CCDC171: variants seen among roughly 807,000 people sequenced by gnomAD.
CCDC171 encodes coiled-coil domain containing 171.
A neutral mutation model predicts 168.2 loss-of-function variants in CCDC171; 177 were observed. The ratio of observed to expected loss-of-function variants is 1.05; its 90% confidence interval spans 0.93 to 1.19. The LOEUF is 1.19. Ranked by LOEUF, CCDC171 falls within the 50% of genes most tolerant of loss-of-function variation. The pLI, the probability that CCDC171 is intolerant of heterozygous loss-of-function variation, is 0.00. For missense variants in CCDC171, 1,991 were observed against 1,539.0 expected, an observed-to-expected ratio of 1.29 and a Z score of -4.91; for synonymous variants, 687 against 540.8, an observed-to-expected ratio of 1.27 and a Z score of -3.75.
In CCDC171 at chr9:15,777,790, C is replaced by T. The variant is rs975909864; in HGVS notation, c.2862C>T (p.Ala954=). The T allele has an allele frequency of 1.2e-6, 2 of 1,612,158 alleles. No homozygotes were observed. The highest frequency in any genetic ancestry group is 1.7e-5 in the Admixed American group (1 of 59,506). The part of the protein sequence containing the change: ...AHGLHKVNTL[A]LKYGLRGHVP... ...GACTTCATAAAGTAAACACACTGGC[C>T]CTGAAATATGGTTTGCGTGGCCATG... Residue 954 remains alanine (A), a synonymous_variant, in exon 19 of 26, where the codon GCC becomes GCT. Coordinates refer to ENST00000380701, the MANE Select transcript of CCDC171 (RefSeq NM_173550.4).
At chr9:15,798,795 G>T (rs1282749532) in intron 21 of CCDC171, among the ~76,000 whole-genome samples, 3 of 152,040 alleles carry the variant, frequency 2.0e-5, no homozygotes, top group Non-Finnish European at 2.9e-5. Context: ...GTTTTTACAG[G>T]TATTGAATAT....
intron 25 of CCDC171, among the ~76,000 whole-genome samples, chr9:15,959,252 G>A (rs1830120302): frequency 6.6e-6 from 1 of 152,042 alleles, no homozygotes; most frequent in Non-Finnish European, 1.5e-5. Context: ...CTTACGATGT[G>A]GCCTTTCCAT....
At chr9:15,899,488 C>T (rs1424684202) in intron 24 of CCDC171, among the ~76,000 whole-genome samples, 6 of 152,142 alleles carry the variant, frequency 3.9e-5, no homozygotes, top group African/African-American at 7.2e-5. Flanking sequence ...TGCTTCCTCG[C>T]CAGCACTTGG....
chr9:15,828,362 A>G (rs1245852526), intron 21 of CCDC171, among the ~76,000 whole-genome samples: 2 of 151,562 alleles, frequency 1.3e-5, no homozygotes, highest in East Asian at 3.8e-4. Flanking sequence ...TAGAAAAGTG[A>G]TACGTGAAGA....
chr9:15,701,921 G>T (rs2051781212), intron 11 of CCDC171, among the ~76,000 whole-genome samples: 1 of 152,142 alleles, frequency 6.6e-6, no homozygotes, highest in African/African-American at 2.4e-5. Flanking sequence ...AATATAATTT[G>T]CCCAGATCCA....
chr9:16,065,995 A>G (rs1295284779), downstream of CCDC171, among the ~76,000 whole-genome samples: 1 of 152,128 alleles, frequency 6.6e-6, no homozygotes, highest in African/African-American at 2.4e-5. Context: ...AGAAAGAGAT[A>G]ATAAGTCTAG....
At chr9:15,643,574 C>T (rs1244187663) in intron 7 of CCDC171, among the ~76,000 whole-genome samples, 1 of 152,130 alleles carries the variant, frequency 6.6e-6, no homozygotes, top group African/African-American at 2.4e-5. Context: ...AGATATACTT[C>T]ACATATCATA....
At chr9:15,927,162 C>T (rs1187925871) in intron 25 of CCDC171, among the ~76,000 whole-genome samples, 1 of 151,576 alleles carries the variant, frequency 6.6e-6, no homozygotes, top group Non-Finnish European at 1.5e-5. Flanking sequence ...TTTAGCAACA[C>T]ACAATAATAA....
chr9:15,688,232 A>G (rs1055090544), intron 10 of CCDC171, among the ~76,000 whole-genome samples: 4 of 152,152 alleles, frequency 2.6e-5, no homozygotes, highest in Non-Finnish European at 2.9e-5. Context: ...AGTAATCAAA[A>G]AAACTCCCAC....
At chr9:15,568,072 T>A (rs9407624) in intron 2 of CCDC171, among the ~76,000 whole-genome samples, 80,809 of 150,670 alleles carry the variant, frequency 0.54, 22,059 homozygotes, top group East Asian at 0.74. Context: ...TGATTTTTGT[T>A]TATTGATCTT....
At chr9:16,067,855 G>C in the CCDC171 span, among the ~76,000 whole-genome samples, 1 of 152,112 alleles carries the variant, frequency 6.6e-6, no homozygotes, top group Non-Finnish European at 1.5e-5. Context: ...GTGCTGTTTT[G>C]GTTACTGTAG....
intron 11 of CCDC171, among the ~76,000 whole-genome samples, chr9:15,714,557 G>T (rs1386355637): frequency 6.7e-6 from 1 of 149,214 alleles, no homozygotes; most frequent in African/African-American, 2.5e-5. Flanking sequence ...TTCAGATCCA[G>T]TGTCCAGTTA....
chr9:15,845,697 T>C (rs902775873), intron 21 of CCDC171: 4 of 152,084 alleles, frequency 2.6e-5, no homozygotes, highest in African/African-American at 9.7e-5. Context: ...AAGAAAACAT[T>C]ATGTGTATGC....
Position 15,568,394 on chromosome 9 carries a change from C to T in CCDC171, c.42-3230C>T, listed in dbSNP as rs189782917. Among the ~76,000 whole-genome samples the T allele has an allele frequency of 7.4e-4, 112 of 152,000 alleles. No individual in the cohort carries two copies. The East Asian group carries it at 0.02, about 27-fold the overall frequency. Reference sequence around the variant, plus strand: ...TAGGCCATTCTCCTGCCTCAGCCTCCGGAGTAGCTGGGACTACAGGTGCCC... The same window carrying T: ...TAGGCCATTCTCCTGCCTCAGCCTCTGGAGTAGCTGGGACTACAGGTGCCC... On this transcript the variant is annotated intron_variant, in intron 2 of 25. Coordinates refer to ENST00000380701, the MANE Select transcript of CCDC171 (RefSeq NM_173550.4).
intron 24 of CCDC171, among the ~76,000 whole-genome samples, chr9:15,904,919 CAAAG>C (rs1381881683): frequency 1.3e-5 from 2 of 151,266 alleles, no homozygotes; most frequent in South Asian, 2.1e-4. Context: ...TCAAAAGAGA[CAAAG>C]AAGGCCATTA....
At chr9:15,999,523 C>G (rs1329466096) in intron 3 of CCDC171, among the ~76,000 whole-genome samples, 2 of 152,162 alleles carry the variant, frequency 1.3e-5, no homozygotes, top group Non-Finnish European at 2.9e-5. Context: ...TCGGACCTCT[C>G]TATCCATCGA....
chr9:15,924,082 C>T (rs1214079021), intron 25 of CCDC171, among the ~76,000 whole-genome samples: 2 of 151,324 alleles, frequency 1.3e-5, no homozygotes, highest in African/African-American at 4.8e-5. Flanking sequence ...CTTTTAAAAA[C>T]ATATATTTAA....
At chr9:15,918,174 A>AT (rs968367492) in intron 24 of CCDC171, among the ~76,000 whole-genome samples, 1 of 151,630 alleles carries the variant, frequency 6.6e-6, no homozygotes. Flanking sequence ...GAAAAACTAG[A>AT]TTAAAAAAAG....
At chr9:16,027,633 C>A (rs758323796) in intron 6 of CCDC171, among the ~76,000 whole-genome samples, 2 of 152,134 alleles carry the variant, frequency 1.3e-5, no homozygotes, top group Non-Finnish European at 2.9e-5. Context: ...AGGCTGATTC[C>A]CTAATGAAGG....
Sources: gnomAD v4.1 joint callset for allele counts (sites outside exome capture counted in the v4.1 genomes callset) on GRCh38, gnomAD v4.1.1 for gene constraint, MANE v1.5 for transcripts, NCBI Gene and HGNC (gene_info 2026-07-23, HGNC 2026-07-21) for gene names.